HSF5: variants seen among roughly 807,000 people sequenced by gnomAD.
HSF5 encodes the protein heat shock factor protein 5.
In HSF5, 5 loss-of-function variants were observed where a neutral mutation model predicts 50.8. The ratio of observed to expected loss-of-function variants is 0.10; its 90% CI spans 0.05 to 0.21. The LOEUF (loss-of-function observed/expected upper bound fraction) is 0.21, where lower values mean the gene tolerates loss of function less well. Among genes scored for constraint, HSF5 ranks in the 10% least tolerant of loss-of-function variants. The probability of loss-of-function intolerance (pLI) is 1.00; values close to 1 mark genes in which losing one functional copy is unlikely to be tolerated. For missense variants in HSF5, 564 were observed against 762.6 expected (o/e 0.74, Z 3.07); for synonymous variants, 307 against 307.4 (o/e 1.00, Z 0.02).
chr17:58,482,616 A>G (rs1018085132), intron 1 of HSF5, among the ~76,000 whole-genome samples: 2 of 145,134 alleles, frequency 1.4e-5, no homozygotes, highest in African/African-American at 5.0e-5. Flanking sequence ...AGGCTGAGGA[A>G]GGAGAATAGC....
chr17:58,443,888 G>A (rs1431936739), intron 5 of HSF5, among the ~76,000 whole-genome samples: 1 of 152,226 alleles, frequency 6.6e-6, no homozygotes, highest in Non-Finnish European at 1.5e-5. Context: ...TGGGGAGGTA[G>A]TAGTCAAAGG....
chr17:58,470,723 C>T (rs1237385226), intron 2 of HSF5, among the ~76,000 whole-genome samples: 3 of 152,142 alleles, frequency 2.0e-5, no homozygotes, highest in African/African-American at 7.2e-5. Context: ...GTCAGGAGTT[C>T]GAGACCAGCC....
chr17:58,434,754 T>G (rs947358749), intron 5 of HSF5, among the ~76,000 whole-genome samples: 2 of 152,034 alleles, frequency 1.3e-5, no homozygotes. Context: ...CTCAGGAGGC[T>G]GAGATGGGAG....
chr17:58,479,226 T>A (rs1196829536), intron 2 of HSF5, among the ~76,000 whole-genome samples: 1 of 152,112 alleles, frequency 6.6e-6, no homozygotes, highest in Non-Finnish European at 1.5e-5. Flanking sequence ...TTAAACCATA[T>A]TAAATATATA....
At chr17:58,428,863 C>T (rs746375897) in intron 5 of HSF5, among the ~76,000 whole-genome samples, 4 of 152,052 alleles carry the variant, frequency 2.6e-5, no homozygotes, top group Non-Finnish European at 5.9e-5. Context: ...ATGGAATTAC[C>T]ATATGACCCG....
chr17:58,446,998 G>T (rs746514735), intron 5 of HSF5, among the ~76,000 whole-genome samples: 2 of 152,142 alleles, frequency 1.3e-5, no homozygotes, highest in Non-Finnish European at 2.9e-5. Context: ...GGTGGCACAC[G>T]CCTGTAGTCC....
At chr17:58,441,911 C>T (rs929371804) in intron 5 of HSF5, among the ~76,000 whole-genome samples, 3 of 152,166 alleles carry the variant, frequency 2.0e-5, no homozygotes, top group African/African-American at 7.2e-5. Flanking sequence ...TGTTACATAT[C>T]CTATTCTAAT....
chr17:58,471,496 C>G (rs1014490613), intron 2 of HSF5, among the ~76,000 whole-genome samples: 3 of 152,172 alleles, frequency 2.0e-5, no homozygotes, highest in African/African-American at 7.2e-5. Flanking sequence ...AAACAATAAT[C>G]AGTAACTTTT....
rs1974236421 is a variant in HSF5, at chr17:58,422,135, G to GT, written c.*224dup. Reference sequence around the variant, plus strand: ...AAAGGGATCTGGGCAGCCAAAAAACGTGGCTGCTAGATGTTCAGTAGTTTG... The same window carrying GT: ...AAAGGGATCTGGGCAGCCAAAAAACGTTGGCTGCTAGATGTTCAGTAGTTTG... On this transcript the variant is annotated 3_prime_UTR_variant, in exon 6 of 6. Coordinates refer to ENST00000323777, the MANE Select transcript of HSF5 (RefSeq NM_001080439.3). The GT allele has an allele frequency of 2.2e-6, 1 of 464,356 alleles. No homozygotes were observed. The highest frequency in any genetic ancestry group is 3.8e-5 in the East Asian group (1 of 26,590). The allele number at this position is 464,356 out of a possible 1,614,324, so 28.8% of individuals were successfully genotyped here. A position where few individuals can be genotyped will look rare whatever the true frequency, so the allele number is the denominator to read the frequency against.
intron 5 of HSF5, among the ~76,000 whole-genome samples, chr17:58,429,423 T>C (rs1329473604): frequency 1.3e-5 from 2 of 152,160 alleles, no homozygotes; most frequent in African/African-American, 4.8e-5. Flanking sequence ...ATGCCTGTAG[T>C]CTCAGGAGGC....
At chr17:58,452,952 T>A (rs537298924) in intron 5 of HSF5, among the ~76,000 whole-genome samples, 10 of 152,324 alleles carry the variant, frequency 6.6e-5, no homozygotes, top group African/African-American at 2.4e-4. Flanking sequence ...AGAGGATTAC[T>A]TGAGCCCAGG....
intron 5 of HSF5, among the ~76,000 whole-genome samples, chr17:58,424,185 G>GATC (rs1280033840): frequency 1.3e-5 from 2 of 152,274 alleles, no homozygotes; most frequent in East Asian, 1.9e-4. Flanking sequence ...ATACTCCCAT[G>GATC]ATCACAGCAG....
chr17:58,444,639 C>G (rs1033043366), intron 5 of HSF5, among the ~76,000 whole-genome samples: 2 of 152,032 alleles, frequency 1.3e-5, no homozygotes, highest in Non-Finnish European at 2.9e-5. Flanking sequence ...TAGAAGAAAA[C>G]AGAGAGAGAT....
intron 2 of HSF5, among the ~76,000 whole-genome samples, chr17:58,471,367 G>T (rs1974941219): frequency 6.6e-6 from 1 of 152,134 alleles, no homozygotes; most frequent in Non-Finnish European, 1.5e-5. Flanking sequence ...AATACAGACT[G>T]CCTGAGAACA....
intron 5 of HSF5, among the ~76,000 whole-genome samples, chr17:58,451,909 G>T (rs1974646330): frequency 7.4e-6 from 1 of 135,490 alleles, no homozygotes; most frequent in African/African-American, 2.8e-5. Flanking sequence ...CTGTTTTTTT[G>T]AAAAGGTAAG....
rs1479753167 is a variant in HSF5, at chr17:58,422,410, C to T, written c.1741G>A (p.Val581Met). The T allele has an allele frequency of 3.1e-6, 5 of 1,613,820 alleles. No homozygotes were observed. The highest frequency in any genetic ancestry group is 2.2e-5 in the East Asian group (1 of 44,874). ...GGAAAGCGCTCCTGCTTGCAGGCCA[C>T]GTCCACCAGCAGATGAAGATCTAGA... ...KSPDLHLLVD[V>M]ACKQERFPKE... is the part of the protein sequence containing the mutation. The change falls in exon 6 of 6, where the codon GTG (valine) becomes ATG (methionine). Residue 581 changes from valine to methionine, a missense_variant. Around this residue, in one of 5 missense-constraint regions of HSF5, gnomAD observed 441 missense variants for 533.6 expected, o/e 0.83. Coordinates refer to ENST00000323777, the MANE Select transcript of HSF5 (RefSeq NM_001080439.3).
At chr17:58,478,915 T>A (rs1314590413) in intron 2 of HSF5, among the ~76,000 whole-genome samples, 4 of 151,830 alleles carry the variant, frequency 2.6e-5, no homozygotes, top group Non-Finnish European at 5.9e-5. Context: ...ACACAACTTT[T>A]TTTTTTCCCC....
intron 5 of HSF5, among the ~76,000 whole-genome samples, chr17:58,435,230 A>G (rs1974411540): frequency 6.6e-6 from 1 of 152,200 alleles, no homozygotes; most frequent in Non-Finnish European, 1.5e-5. Flanking sequence ...GGACTGCTGC[A>G]ACACTGACAG....
chr17:58,444,237 G>A (rs989290247), intron 5 of HSF5, among the ~76,000 whole-genome samples: 4 of 151,934 alleles, frequency 2.6e-5, no homozygotes, highest in Admixed American at 6.6e-5. Flanking sequence ...ACTAAAATTC[G>A]TATGGAATCT....
Sources: allele counts gnomAD v4.1 joint callset (sites outside exome capture counted in the v4.1 genomes callset), GRCh38; gene constraint gnomAD v4.1.1; regional missense constraint gnomAD v4.1.1; transcripts MANE v1.5; gene names NCBI Gene and HGNC (gene_info 2026-07-23, HGNC 2026-07-21).